The following SMC6 variants were observed in gnomAD, a reference collection of about 807,000 sequenced individuals.
The protein encoded by SMC6 is structural maintenance of chromosomes 6, also known as structural maintenance of chromosomes protein 6.
Under a neutral mutation model 142.2 loss-of-function variants are expected in SMC6, and 79 were observed. That is an observed-to-expected ratio of 0.56 (90% CI 0.46 to 0.67). SMC6 has a LOEUF of 0.67. Ranked by LOEUF, SMC6 falls within the 30% of genes least tolerant of loss-of-function variation. The pLI, the probability that SMC6 is intolerant of heterozygous loss-of-function variation, is 0.00. For missense variants in SMC6, 1,072 were observed against 1,284.0 expected (o/e 0.83, Z 2.52); for synonymous variants, 411 against 412.4 (o/e 1.00, Z 0.04).
chr2:17,693,175 A>C (rs1317378322), intron 23 of SMC6, among the ~76,000 whole-genome samples: 2 of 152,286 alleles, frequency 1.3e-5, no homozygotes, highest in East Asian at 3.9e-4. Flanking sequence ...TAGAAATACC[A>C]TTTGACCCAG....
At chr2:17,741,422 T>C (rs376852104) in intron 4 of SMC6, among the ~76,000 whole-genome samples, 190 bp downstream of exon 4, 9 of 152,324 alleles carry the variant, frequency 5.9e-5, no homozygotes, top group Non-Finnish European at 1.2e-4. Context: ...TTAAGTAATG[T>C]ACCTAGAGTT....
chr2:17,733,755 G>A (rs887398300), intron 5 of SMC6, among the ~76,000 whole-genome samples: 1 of 152,124 alleles, frequency 6.6e-6, no homozygotes, highest in Non-Finnish European at 1.5e-5. Context: ...GAACAGATAA[G>A]CTCTTTGGAA....
At chr2:17,688,655 A>C (rs1667568282) in intron 23 of SMC6, among the ~76,000 whole-genome samples, 3 of 152,214 alleles carry the variant, frequency 2.0e-5, no homozygotes, top group Admixed American at 2.0e-4. Flanking sequence ...ATGCAAATAG[A>C]AACATTTCCA....
chr2:17,743,788 T>C (rs972218707), intron 3 of SMC6, among the ~76,000 whole-genome samples: 1 of 152,202 alleles, frequency 6.6e-6, no homozygotes, highest in African/African-American at 2.4e-5. Context: ...CACTGATTTT[T>C]AACTCTCCAT....
intron 21 of SMC6, among the ~76,000 whole-genome samples, chr2:17,699,418 G>T (rs2124930136): frequency 6.6e-6 from 1 of 152,094 alleles, no homozygotes; most frequent in East Asian, 1.9e-4. Flanking sequence ...GTGTCTTATT[G>T]CAGATTACTT....
intron 7 of SMC6, 22 bp downstream of exon 7, chr2:17,731,056 G>A (rs1237858865): frequency 6.3e-7 from 1 of 1,592,496 alleles, no homozygotes; most frequent in East Asian, 2.2e-5. Context: ...GAATTAATCT[G>A]AAACACAAAT....
chr2:17,730,390 C>T (rs1669846525), intron 7 of SMC6, among the ~76,000 whole-genome samples: 3 of 143,940 alleles, frequency 2.1e-5, no homozygotes, highest in Admixed American at 1.4e-4. Flanking sequence ...AAACTAAACA[C>T]TCATCCAGAA....
chr2:17,715,651 G>A (rs951768205), intron 15 of SMC6, among the ~76,000 whole-genome samples: 3 of 152,086 alleles, frequency 2.0e-5, no homozygotes, highest in Admixed American at 2.0e-4. Context: ...ATATGTAAGA[G>A]TGAAGTAACC....
At chr2:17,688,288 T>C (rs1249103649) in intron 23 of SMC6, among the ~76,000 whole-genome samples, 1 of 150,998 alleles carries the variant, frequency 6.6e-6, no homozygotes, top group Non-Finnish European at 1.5e-5. Context: ...AAATATTTTG[T>C]TATGTCACAA....
intron 16 of SMC6, among the ~76,000 whole-genome samples, 196 bp from the exon 17 acceptor site, chr2:17,708,949 C>T (rs1225661057): frequency 1.3e-5 from 2 of 151,888 alleles, no homozygotes; most frequent in Admixed American, 6.6e-5. Context: ...ATTTATTTAG[C>T]ATTTATATAA....
chr2:17,716,060 T>A lies in SMC6; in HGVS notation c.1525+26A>T, dbSNP rs1669069017. ...AAAAACTTATTTCTAAAGTTTATTATAACCTCGCTAAATTAAGACAAATAC... is the reference window on the plus strand; with the variant it reads ...AAAAACTTATTTCTAAAGTTTATTAAAACCTCGCTAAATTAAGACAAATAC... On this transcript the variant is annotated intron_variant, in intron 15 of 27. Transcript: ENST00000448223. The A allele has an allele frequency of 5.5e-6, 8 of 1,459,506 alleles. No homozygotes were observed. In the South Asian group the frequency reaches 1.2e-4, roughly 23 times the overall value. 90.4% of individuals were successfully genotyped at this position (1,459,506 alleles called of 1,614,324 possible). A position where few individuals can be genotyped will look rare whatever the true frequency, so the allele number is the denominator to read the frequency against.
At chr2:17,688,203 T>C (rs1240675373) in intron 23 of SMC6, among the ~76,000 whole-genome samples, 1 of 151,940 alleles carries the variant, frequency 6.6e-6, no homozygotes. Context: ...TAGGTATCAT[T>C]CCTTAAAAAA....
Position 17,721,183 on chromosome 2 carries a change from T to A in SMC6, c.805A>T (p.Thr269Ser). ...TCATGTTTCAAGGACTCTAAATTAGTCTTCATTGTACTTAAACCAGCAATA... is the reference window on the plus strand; with the variant it reads ...TCATGTTTCAAGGACTCTAAATTAGACTTCATTGTACTTAAACCAGCAATA... ...QSIAGLSTMKTNLESLKHEMA... is the reference protein window; with the variant it reads ...QSIAGLSTMKSNLESLKHEMA... Residue 269 changes from threonine (T) to serine (S), a missense_variant, in exon 10 of 28, where the codon ACT becomes TCT. Transcript: ENST00000448223. 2 of 1,612,340 alleles carry A rather than the reference T, an allele frequency of 1.2e-6. No individual in the cohort carries two copies. Among genetic ancestry groups the A allele is most frequent in the Non-Finnish European group, 1.7e-6 (2 of 1,179,536 alleles).
intron 26 of SMC6, among the ~76,000 whole-genome samples, chr2:17,669,664 A>T (rs776821028): frequency 2.0e-5 from 3 of 152,176 alleles, no homozygotes; most frequent in Non-Finnish European, 4.4e-5. Flanking sequence ...GGTAAGATTA[A>T]AGCTCATTTA....
Position 17,716,246 on chromosome 2 carries a change from C to T in SMC6, c.1365G>A (p.Val455=), listed in dbSNP as rs148730109. 8.0e-5 allele frequency: 129 copies of T among 1,607,206 alleles called. No individual in the cohort carries two copies. The African/African-American group carries it at 1.6e-3, about 20-fold the overall frequency. Residue 455 remains valine, a synonymous_variant, in exon 15 of 28, where the codon GTG becomes GTA. Transcript: ENST00000448223. Reference sequence around the variant, plus strand: ...TCTGATTGTAGCTCAGTGCATGCTTCACATCTAATTCTTCTCTCCTAAAAA... The same window carrying T: ...TCTGATTGTAGCTCAGTGCATGCTTTACATCTAATTCTTCTCTCCTAAAAA... The part of the protein sequence containing the change: ...HGKIKREELD[V]KHALSYNQRQ...
chr2:17,700,102 A>G, intron 21 of SMC6, 106 bp downstream of exon 21: 1 of 658,296 alleles, frequency 1.5e-6, no homozygotes, highest in Non-Finnish European at 2.4e-6. Flanking sequence ...TTTTTATGCT[A>G]TTTACATTTA....
intron 2 of SMC6, 46 bp downstream of exon 2, chr2:17,752,932 G>T: frequency 1.3e-6 from 1 of 746,114 alleles, no homozygotes; most frequent in Non-Finnish European, 1.6e-6. Flanking sequence ...TCTGTCTTGA[G>T]GGCTCAAACA....
At chr2:17,665,665 T>A in intron 27 of SMC6, 52 bp from the exon 28 acceptor site, 1 of 1,172,564 alleles carries the variant, frequency 8.5e-7, no homozygotes, top group Non-Finnish European at 1.2e-6. Context: ...TTTTACCAAT[T>A]AAAAAAAATT....
intron 24 of SMC6, 143 bp downstream of exon 24, chr2:17,683,495 G>C (rs1667321469): frequency 1.3e-6 from 1 of 757,658 alleles, no homozygotes; most frequent in Admixed American, 3.2e-5. Context: ...ATTCGGAATT[G>C]TCTGATTAAA....
Sources: gnomAD v4.1 joint callset for allele counts (sites outside exome capture counted in the v4.1 genomes callset) on GRCh38, gnomAD v4.1.1 for gene constraint, MANE v1.5 for transcripts, NCBI Gene and HGNC (gene_info 2026-07-23, HGNC 2026-07-21) for gene names.